CIROP: variants seen among roughly 807,000 people sequenced by gnomAD.
The protein encoded by CIROP is leishmanolysin homolog.
At chr14:23,104,886 GGC>G in the CIROP span, 1 of 453,840 alleles carries the variant, frequency 2.2e-6, no homozygotes, top group Admixed American at 4.1e-5. Flanking sequence ...GACTAGTGGC[GGC>G]AGCAGCAGCA....
At chr14:23,104,290 T>G in the CIROP span, 1 of 691,828 alleles carries the variant, frequency 1.4e-6, no homozygotes, top group South Asian at 1.5e-5. Context: ...TTCAAGAGGC[T>G]GCACCTATAA....
chr14:23,101,272 A>G, the CIROP span: 1 of 462,124 alleles, frequency 2.2e-6, no homozygotes, highest in Admixed American at 3.7e-5. Context: ...TGCTGCAACT[A>G]CTACTCTTAT....
the CIROP span, chr14:23,099,236 C>T: frequency 1.2e-5 from 5 of 413,376 alleles, no homozygotes; most frequent in Non-Finnish European, 2.2e-5. Flanking sequence ...AGTTGTCTCA[C>T]AAGAAATTAT....
chr14:23,102,929 G>A, the CIROP span: 1 of 600,516 alleles, frequency 1.7e-6, no homozygotes, highest in Non-Finnish European at 3.0e-6. Flanking sequence ...CAGTCACCAT[G>A]ACGATGTCAC....
chr14:23,104,804 G>A, the CIROP span: 1 of 703,032 alleles, frequency 1.4e-6, no homozygotes, highest in Non-Finnish European at 2.6e-6. Context: ...GGAGTTGGGA[G>A]AAAGGGGGCC....
the CIROP span, chr14:23,101,433 C>T: frequency 3.3e-6 from 2 of 598,938 alleles, no homozygotes; most frequent in African/African-American, 3.7e-5. Context: ...GAGAAGGATG[C>T]CTGGGCTTAT....
chr14:23,104,662 C>G, the CIROP span: 2 of 702,894 alleles, frequency 2.8e-6, no homozygotes, highest in Non-Finnish European at 5.2e-6. Context: ...CGGGATCCCC[C>G]TCTCATCCCT....
chr14:23,099,106 A>G, the CIROP span: 1 of 406,670 alleles, frequency 2.5e-6, no homozygotes, highest in African/African-American at 2.1e-5. Context: ...TAAAGAATGG[A>G]TCTTTAGAAC....
chr14:23,099,285 C>T, the CIROP span: 25,363 of 413,364 alleles, frequency 0.061, 1,445 homozygotes, highest in African/African-American at 0.21. Context: ...GGCAACATCA[C>T]ACCTCCCTTA....
At chr14:23,104,610 G>C in the CIROP span, 1 of 702,072 alleles carries the variant, frequency 1.4e-6, no homozygotes, top group East Asian at 2.7e-5. Flanking sequence ...TGCTAGAACA[G>C]CCTGGATTCG....
At chr14:23,103,835 TG>T in the CIROP span, 1 of 701,004 alleles carries the variant, frequency 1.4e-6, no homozygotes, top group Non-Finnish European at 2.6e-6. Context: ...GGGAGTGAAA[TG>T]TTGCATTAGC....
At chr14:23,101,778 G>A in the CIROP span, 72 of 702,790 alleles carry the variant, frequency 1.0e-4, no homozygotes, top group South Asian at 3.4e-4. Flanking sequence ...GTGTGGAATG[G>A]ATGGTAGAGT....
chr14:23,099,254 C>T, the CIROP span: 4 of 413,312 alleles, frequency 9.7e-6, no homozygotes, highest in South Asian at 5.1e-4. Context: ...TATTCTCTTC[C>T]TTACCCCCTG....
chr14:23,099,644 C>T, the CIROP span: 10 of 377,364 alleles, frequency 2.6e-5, no homozygotes, highest in Non-Finnish European at 4.3e-5. Flanking sequence ...ACCGTAATCT[C>T]CGCCTCCCAG....
the CIROP span, chr14:23,104,935 T>C: frequency 1.5e-6 from 1 of 680,960 alleles, no homozygotes; most frequent in Non-Finnish European, 2.7e-6. Context: ...CTTCTGTGTC[T>C]CTCCGTAGAT....
chr14:23,104,445 C>T, the CIROP span: 20 of 702,872 alleles, frequency 2.8e-5, no homozygotes, highest in African/African-American at 1.2e-4. Flanking sequence ...TGCAGGGTCT[C>T]GACTCAGAAG....
the CIROP span, chr14:23,101,862 TGAGGAGCCAG>T: frequency 2.8e-6 from 2 of 702,570 alleles, no homozygotes; most frequent in Non-Finnish European, 5.2e-6. Context: ...AGAAGAAGTC[TGAGGAGCCAG>T]TCCCACATGT....
the CIROP span, chr14:23,104,850 A>G: frequency 8.5e-6 from 6 of 702,072 alleles, no homozygotes; most frequent in Non-Finnish European, 1.6e-5. Context: ...CTCATCATGT[A>G]GACATCGGCT....
chr14:23,102,205 G>A, the CIROP span: 2 of 703,034 alleles, frequency 2.8e-6, no homozygotes, highest in East Asian at 5.4e-5. Flanking sequence ...TCCATCAAAG[G>A]TAGCAGTCAT....
Sources: allele counts gnomAD v4.1 joint callset, GRCh38; gene constraint gnomAD v4.1.1; transcripts MANE v1.5; gene names NCBI Gene and HGNC (gene_info 2026-07-23, HGNC 2026-07-21).